MMP17: variants seen among roughly 807,000 people sequenced by gnomAD.
The protein encoded by MMP17 is matrix metallopeptidase 17, also known as matrix metalloproteinase-17.
A neutral mutation model predicts 49.1 loss-of-function variants in MMP17; 54 were observed. That is an observed-to-expected ratio of 1.10 (90% CI 0.88 to 1.38). The LOEUF (loss-of-function observed/expected upper bound fraction) is 1.38, where lower values mean the gene tolerates loss of function less well. MMP17 is among the 40% of genes most tolerant of loss of function. The pLI is 0.00. For missense variants in MMP17, 837 were observed against 853.7 expected (o/e 0.98, Z 0.24); for synonymous variants, 397 against 383.1 (o/e 1.04, Z -0.42).
chr12:131,851,394 C>G lies in MMP17; in HGVS notation c.*120C>G, dbSNP rs1695391831. 1.3e-5 allele frequency: 12 copies of G among 939,466 alleles called. No homozygotes were observed. Among genetic ancestry groups the G allele is most frequent in the African/African-American group, 1.7e-5 (1 of 58,110 alleles). 58.2% of individuals were successfully genotyped at this position (939,466 alleles called of 1,614,324 possible). ...GCGGGATGAGGACGGGCCACCCTGG[C>G]ACCGGAAGGCCAGCAGAGGGCACTG... On this transcript the variant is annotated 3_prime_UTR_variant, in exon 10 of 10. Coordinates refer to ENST00000360564, the MANE Select transcript of MMP17 (RefSeq NM_016155.7).
At position 131,838,378 on chromosome 12, in the gene MMP17, G is replaced by A. The variant is rs368311307; in HGVS notation, c.292+51G>A. The A allele has an allele frequency of 1.6e-4, 261 of 1,594,026 alleles. No individual in the cohort carries two copies. In the African/African-American group the frequency reaches 1.9e-3, roughly 11 times the overall value. Reference sequence around the variant, plus strand: ...GCGCCGTGGCCCCCGTCAGGTCTGCGCCCGTCGGCCATGCCCCCTCTGATC... The same window carrying A: ...GCGCCGTGGCCCCCGTCAGGTCTGCACCCGTCGGCCATGCCCCCTCTGATC... On this transcript the variant is annotated intron_variant, in intron 2 of 9. Coordinates refer to ENST00000360564, the MANE Select transcript of MMP17 (RefSeq NM_016155.7).
chr12:131,837,263 T>C lies in MMP17; in HGVS notation c.160-932T>C, dbSNP rs891586273. 3.9e-5 allele frequency among the ~76,000 whole-genome samples: 6 copies of C among 152,128 alleles called. No homozygotes were observed. The South Asian group carries it at 1.2e-3, about 32-fold the overall frequency. Reference sequence around the variant, plus strand: ...GGCACACAGCGGGGAGGTGGCTGAGTGGGATTTGAACCTAGGCAGCCTGGC... The same window carrying C: ...GGCACACAGCGGGGAGGTGGCTGAGCGGGATTTGAACCTAGGCAGCCTGGC... On this transcript the variant is annotated intron_variant, in intron 1 of 9. Coordinates refer to ENST00000360564, the MANE Select transcript of MMP17 (RefSeq NM_016155.7).
At position 131,851,203 on chromosome 12, in the gene MMP17, AC is replaced by A; in HGVS notation, c.1743del (p.Met582CysfsTer20). The A allele has an allele frequency of 6.9e-7, 1 of 1,457,878 alleles. No individual in the cohort carries two copies. Among genetic ancestry groups the A allele is most frequent in the Non-Finnish European group, 9.1e-7 (1 of 1,102,746 alleles). 90.3% of individuals were successfully genotyped at this position (1,457,878 alleles called of 1,614,324 possible). ...GGCCCCAGGCCCACTGGTGGCTGCCACCATGCTGCTGCTGCTGCCGCCACTG... is the reference window on the plus strand; with the variant it reads ...GGCCCCAGGCCCACTGGTGGCTGCCACATGCTGCTGCTGCTGCCGCCACTG... ...PGAPGPLVAA[T>X]MLLLLPPLSP... On this transcript the variant is annotated frameshift_variant, in exon 10 of 10. Coordinates refer to ENST00000360564, the MANE Select transcript of MMP17 (RefSeq NM_016155.7). LOFTEE classifies it low-confidence loss of function (END_TRUNC).
At chr12:131,836,283 C>G (rs1412193080) in intron 1 of MMP17, among the ~76,000 whole-genome samples, 1 of 152,104 alleles carries the variant, frequency 6.6e-6, no homozygotes, top group Non-Finnish European at 1.5e-5. Context: ...TGTGAGGCCC[C>G]TCCTGGCCAG....
chr12:131,850,205 G>A lies in MMP17; in HGVS notation c.1462+146G>A, dbSNP rs544851152. 3,308 of 1,191,754 alleles carry A rather than the reference G, an allele frequency of 2.8e-3. 11 individuals carry two copies. The highest frequency in any genetic ancestry group is 8.7e-3 in the Middle Eastern group (30 of 3,452). The allele number at this position is 1,191,754 out of a possible 1,614,324, so 73.8% of individuals were successfully genotyped here. A position where few individuals can be genotyped will look rare whatever the true frequency, so the allele number is the denominator to read the frequency against. ...TGAGGGTCCCAGCCCCTCGCCTGGA[G>A]CTGCCGACCCTGCAGGCGTCCCCGA... is the stretch of plus-strand genomic sequence containing the variant. On this transcript the variant is annotated intron_variant, in intron 9 of 9. Coordinates refer to ENST00000360564, the MANE Select transcript of MMP17 (RefSeq NM_016155.7).
In MMP17 at chr12:131,851,510, C is replaced by G; in HGVS notation, c.*236C>G. 2.5e-6 allele frequency: 1 copy of G among 402,402 alleles called. No homozygotes were observed. The highest frequency in any genetic ancestry group is 3.6e-5 in the East Asian group (1 of 27,916). 24.9% of individuals were successfully genotyped at this position (402,402 alleles called of 1,614,324 possible). On this transcript the variant is annotated 3_prime_UTR_variant, in exon 10 of 10. Transcript: ENST00000360564. ...ACTGACGAGCCGAGGGGTGGCCGCTCCAGAAGGGTGCCCAGTCAGGCCGCA... is the reference window on the plus strand; with the variant it reads ...ACTGACGAGCCGAGGGGTGGCCGCTGCAGAAGGGTGCCCAGTCAGGCCGCA...
In MMP17 at chr12:131,838,317, C is replaced by T. The variant is rs757127087; in HGVS notation, c.282C>T (p.Thr94=). The T allele has an allele frequency of 3.1e-6, 5 of 1,612,680 alleles. No homozygotes were observed. Among genetic ancestry groups the T allele is most frequent in the South Asian group, 2.2e-5 (2 of 91,058 alleles). ...AGCAGTTTGGTGGCCTGGAGGCCAC[C>T]GGCATCCTGGGTCAGTTCTCCAGGG... ...AMQQFGGLEA[T]GILDEATLAL... The change falls in exon 2 of 10, where the codon ACC becomes ACT. Residue 94 remains threonine, a synonymous_variant. Transcript: ENST00000360564.
At chr12:131,837,496 C>T (rs1566084537) in intron 1 of MMP17, among the ~76,000 whole-genome samples, 1 of 152,186 alleles carries the variant, frequency 6.6e-6, no homozygotes, top group Non-Finnish European at 1.5e-5. Context: ...TGAGCCACAG[C>T]CTTTCTCAGC....
intron 1 of MMP17, among the ~76,000 whole-genome samples, chr12:131,831,140 G>T (rs958665172): frequency 6.6e-6 from 1 of 152,232 alleles, no homozygotes; most frequent in African/African-American, 2.4e-5. Flanking sequence ...AGCCAGGCTC[G>T]GCCTGCAGCC....
intron 1 of MMP17, 137 bp from the exon 2 acceptor site, chr12:131,838,058 G>T: frequency 9.0e-7 from 1 of 1,113,882 alleles, no homozygotes; most frequent in Non-Finnish European, 1.3e-6. Context: ...GCCCAGGGAA[G>T]AGACAAGAGG....
intron 8 of MMP17, among the ~76,000 whole-genome samples, chr12:131,849,268 G>A (rs1887853950): frequency 6.6e-6 from 1 of 152,176 alleles, no homozygotes; most frequent in Non-Finnish European, 1.5e-5. Context: ...CAAATCACCT[G>A]AGGTCAGGAG....
At chr12:131,830,066 C>T (rs749917057) in intron 1 of MMP17, among the ~76,000 whole-genome samples, 19 of 152,346 alleles carry the variant, frequency 1.2e-4, no homozygotes, top group Non-Finnish European at 2.4e-4. Flanking sequence ...CCCAGGCCCG[C>T]CTTCCAGGTC....
intron 7 of MMP17, 46 bp downstream of exon 7, chr12:131,845,246 C>A (rs1281978345): frequency 2.5e-6 from 4 of 1,613,932 alleles, no homozygotes; most frequent in Admixed American, 1.7e-5. Flanking sequence ...CCATGGCCCA[C>A]TCTGGGTGCA....
At chr12:131,843,188 G>A (rs181515967) in intron 5 of MMP17, among the ~76,000 whole-genome samples, 64 of 151,112 alleles carry the variant, frequency 4.2e-4, no homozygotes, top group African/African-American at 1.5e-3. Context: ...GGATGGTCTC[G>A]ATCTTCTGAC....
chr12:131,845,498 G>A (rs115545070), intron 8 of MMP17, 49 bp downstream of exon 8: 21,206 of 1,517,886 alleles, frequency 0.014, 238 homozygotes, highest in African/African-American at 0.046. Context: ...CCCTCTGTCC[G>A]CCTCATGGAG....
intron 5 of MMP17, 115 bp from the exon 6 acceptor site, chr12:131,843,882 G>A: frequency 1.4e-6 from 1 of 721,676 alleles, no homozygotes; most frequent in Admixed American, 3.1e-5. Context: ...CGCCCCCACA[G>A]AGCCTGTCTG....
intron 9 of MMP17, 88 bp downstream of exon 9, chr12:131,850,147 T>C: frequency 1.4e-6 from 2 of 1,458,276 alleles, no homozygotes; most frequent in South Asian, 1.4e-5. Flanking sequence ...AGAGGTTCCC[T>C]GAAAGGAGGA....
In MMP17 at chr12:131,846,926, AC is replaced by A. The variant is rs1887732389; in HGVS notation, c.1204+1482del. On this transcript the variant is annotated intron_variant, in intron 8 of 9. Coordinates refer to ENST00000360564, the MANE Select transcript of MMP17 (RefSeq NM_016155.7). This position sits in a 1 kb window ranked among gnomAD's most constrained non-coding sequence, Gnocchi z 4.6. ...CCGGCCCTCAGCATTTGACTCCGTC[AC>A]CCCCATCACCTGGGAGCCCTCCGGT... Among the ~76,000 whole-genome samples the A allele has an allele frequency of 6.6e-6, 1 of 151,684 alleles. No individual in the cohort carries two copies. The highest frequency in any genetic ancestry group is 2.1e-4 in the South Asian group (1 of 4,796).
At chr12:131,849,220 A>G (rs1887852262) in intron 8 of MMP17, among the ~76,000 whole-genome samples, 3 of 152,210 alleles carry the variant, frequency 2.0e-5, no homozygotes, top group Non-Finnish European at 2.9e-5. Context: ...ACGGTGGCTC[A>G]CACCTGTAAT....
Sources: allele counts gnomAD v4.1 joint callset (sites outside exome capture counted in the v4.1 genomes callset), GRCh38; gene constraint gnomAD v4.1.1; non-coding constraint Gnocchi (gnomAD v3.1); transcripts MANE v1.5; gene names NCBI Gene and HGNC (gene_info 2026-07-23, HGNC 2026-07-21).